Variants in HAUS7 observed in about 807,000 individuals in gnomAD.
HAUS7 encodes the protein HAUS augmin-like complex subunit 7.
Under a neutral mutation model 28.4 loss-of-function variants are expected in HAUS7, and 3 were observed. The ratio of observed to expected loss-of-function variants is 0.11; its 90% CI spans 0.05 to 0.27. HAUS7 has a LOEUF of 0.27. Ranked by LOEUF, HAUS7 falls within the 10% of genes least tolerant of loss-of-function variation. HAUS7 has a pLI of 1.00. For synonymous variants in HAUS7, 165 were observed against 132.1 expected (o/e 1.25, Z -1.71); for missense variants, 284 against 297.3 (o/e 0.96, Z 0.33).
At chrX:153,461,776 G>A (rs1485913845) in intron 4 of HAUS7, 7 of 256,956 alleles carry the variant, frequency 2.7e-5, no homozygotes, top group Non-Finnish European at 3.4e-5. Flanking sequence ...GAGCTCTCCC[G>A]CGCTGCTGCT....
chrX:153,485,895 C>A, intron 1 of HAUS7: 1 of 936,587 alleles, frequency 1.1e-6, no homozygotes, highest in South Asian at 2.2e-5. Flanking sequence ...TACGCGTTCG[C>A]GCACATGAAG....
At chrX:153,464,303 C>T (rs1442544560) in intron 3 of HAUS7, among the ~76,000 whole-genome samples, 7 of 112,843 alleles carry the variant, frequency 6.2e-5, no homozygotes, top group African/African-American at 2.3e-4. Context: ...GGGAGAAGGG[C>T]AGTGCCTCTG....
intron 1 of HAUS7, chrX:153,485,887 C>T (rs782688096): frequency 9.7e-6 from 9 of 927,462 alleles, no homozygotes; most frequent in East Asian, 8.3e-5. Flanking sequence ...TCCCTGGCTA[C>T]GCGTTCGCGC....
intron 1 of HAUS7, among the ~76,000 whole-genome samples, 200 bp downstream of exon 1, chrX:153,470,250 C>CA (rs1391895245): frequency 8.8e-6 from 1 of 113,446 alleles, no homozygotes; most frequent in Non-Finnish European, 1.9e-5. Flanking sequence ...GTGGAGACAG[C>CA]AAGAACGAAG....
At chrX:153,485,987 G>C in intron 1 of HAUS7, 6 of 979,923 alleles carry the variant, frequency 6.1e-6, no homozygotes, top group Non-Finnish European at 8.0e-6. Context: ...GGGCCTGCGC[G>C]CCTCGCTGGC....
chrX:153,450,362 C>G (rs1556980860), intron 9 of HAUS7, among the ~76,000 whole-genome samples: 1 of 112,116 alleles, frequency 8.9e-6, no homozygotes, highest in Admixed American at 9.4e-5. Flanking sequence ...GAAGAACAGG[C>G]TAGGGTCTCG....
At chrX:153,479,213 C>A in intron 1 of HAUS7, 1 of 351,737 alleles carries the variant, frequency 2.8e-6, no homozygotes, top group Non-Finnish European at 3.7e-6. Flanking sequence ...CATCGTCCTG[C>A]CGTGGCCACC....
chrX:153,465,507 C>G (rs1556984154), intron 2 of HAUS7, among the ~76,000 whole-genome samples: 2 of 111,730 alleles, frequency 1.8e-5, no homozygotes, highest in Non-Finnish European at 1.9e-5. Context: ...CCACCCGGCC[C>G]TCTGCAGAAA....
chrX:153,484,876 G>A (rs782748995), intron 1 of HAUS7, among the ~76,000 whole-genome samples: 173 of 112,719 alleles, frequency 1.5e-3, no homozygotes, highest in African/African-American at 5.1e-3. Flanking sequence ...ATCTCTTTTC[G>A]GGCTGGTGGA....
In HAUS7 at chrX:153,469,249, G is replaced by A. The variant is rs781788550; in HGVS notation, c.121C>T (p.Pro41Ser). ...GTGATATACAGACCCTCGAGGAAGG[G>A]GCAGTTTAGGTCCTAAGCAAGGAAA... ...VFGKLKDLNCPFLEGLYITEP... is the reference protein window; with the variant it reads ...VFGKLKDLNCSFLEGLYITEP... The change falls in exon 2 of 10, where the codon CCC (proline) becomes TCC (serine). Residue 41 changes from proline to serine, a missense_variant. Pro to Ser is a moderately conservative substitution (Grantham distance 74). Coordinates refer to ENST00000370211, the MANE Select transcript of HAUS7 (RefSeq NM_001385482.1). 1 of 1,085,294 alleles carries A rather than the reference G, an allele frequency of 9.2e-7. No individual in the cohort carries two copies. The highest frequency in any genetic ancestry group is 2.2e-5 in the Admixed American group (1 of 45,565). 89.4% of individuals were successfully genotyped at this position (1,085,294 alleles called of 1,213,427 possible).
At chrX:153,474,729 G>T (rs2089550954), upstream of HAUS7, among the ~76,000 whole-genome samples, 1 of 104,908 alleles carries the variant, frequency 9.5e-6, no homozygotes. Flanking sequence ...GGGGGCGGGG[G>T]CGGGGGCGCG....
intron 9 of HAUS7, among the ~76,000 whole-genome samples, chrX:153,452,845 G>A (rs1189181808): frequency 1.8e-5 from 2 of 111,477 alleles, no homozygotes; most frequent in African/African-American, 3.3e-5. Flanking sequence ...TTAGTCAGGC[G>A]TGGTGGTGAG....
At position 153,485,759 on chromosome X, in the gene HAUS7, C is replaced by T. The variant is rs1322060031; in HGVS notation, c.-589+9615G>A. The stretch of plus-strand genomic sequence containing the variant: ...TCAGCTCCCTCTGCCCCTGTGTGCC[C>T]CGCCCCACAGGAAGCTGGAGACCCT... On this transcript the variant is annotated intron_variant, in intron 1 of 5. Transcript: ENST00000370210. 4.8e-6 allele frequency: 4 copies of T among 834,710 alleles called. No individual in the cohort carries two copies. The African/African-American group carries it at 8.8e-5, about 18-fold the overall frequency. The allele number at this position is 834,710 out of a possible 1,213,427, so 68.8% of individuals were successfully genotyped here.
chrX:153,484,145 T>C (rs1479170894), intron 1 of HAUS7, among the ~76,000 whole-genome samples: 3 of 112,029 alleles, frequency 2.7e-5, no homozygotes, highest in African/African-American at 9.7e-5. Context: ...GGCTTGTGGC[T>C]GCACGTGGCC....
intron 4 of HAUS7, chrX:153,462,011 A>G (rs1556983471): frequency 3.6e-6 from 2 of 550,477 alleles, no homozygotes; most frequent in African/African-American, 2.3e-5. Context: ...CCTTGTGCAC[A>G]TGTTCTCAGG....
intron 1 of HAUS7, chrX:153,482,622 G>A: frequency 2.7e-6 from 2 of 727,279 alleles, no homozygotes; most frequent in Non-Finnish European, 3.3e-6. Flanking sequence ...GCCAGCCTGG[G>A]TAAGGGGCCC....
intron 1 of HAUS7, among the ~76,000 whole-genome samples, chrX:153,469,841 T>TGAGGGAAAGGGGA (rs1440222511): frequency 9.1e-6 from 1 of 109,963 alleles, no homozygotes; most frequent in Non-Finnish European, 1.9e-5. Flanking sequence ...GTTTCGGGAC[T>TGAGGGAAAGGGGA]GAGGGAAAGG....
intron 9 of HAUS7, among the ~76,000 whole-genome samples, chrX:153,451,920 G>A (rs1353724841): frequency 8.9e-6 from 1 of 111,994 alleles, no homozygotes; most frequent in Non-Finnish European, 1.9e-5. Flanking sequence ...CAACTACCTG[G>A]CTGAGTGTTG....
intron 9 of HAUS7, among the ~76,000 whole-genome samples, chrX:153,452,913 G>A (rs1347722821): frequency 8.9e-6 from 1 of 111,865 alleles, no homozygotes. Context: ...CCCAGGAGGT[G>A]GAGGTTGCAG....
Sources: gnomAD v4.1 joint callset for allele counts (sites outside exome capture counted in the v4.1 genomes callset) on GRCh38, gnomAD v4.1.1 for gene constraint, MANE v1.5 for transcripts, NCBI Gene and HGNC (gene_info 2026-07-23, HGNC 2026-07-21) for gene names.